Variants in NLGN1 observed in about 807,000 individuals in gnomAD.
NLGN1 encodes neuroligin-1.
A neutral mutation model predicts 65.5 loss-of-function variants in NLGN1; 12 were observed. The observed-to-expected ratio is 0.18, with a 90% CI of 0.12 to 0.30. The LOEUF is 0.30. Ranked by LOEUF, NLGN1 falls within the 10% of genes least tolerant of loss-of-function variation. NLGN1 has a pLI of 1.00. For missense variants in NLGN1, 750 were observed against 1,007.1 expected (o/e 0.74, Z 3.46); for synonymous variants, 350 against 359.5 (o/e 0.97, Z 0.30).
chr3:173,819,855 C>A (rs1294433016), intron 4 of NLGN1, among the ~76,000 whole-genome samples: 1 of 152,180 alleles, frequency 6.6e-6, no homozygotes, highest in African/African-American at 2.4e-5. Context: ...GTGTGCCCTT[C>A]TCAGGATATG....
chr3:173,638,126 T>G (rs1444624861), intron 3 of NLGN1, among the ~76,000 whole-genome samples: 2 of 152,104 alleles, frequency 1.3e-5, no homozygotes, highest in Admixed American at 1.3e-4. Flanking sequence ...CCAGTTCACT[T>G]TTTTTTCAGT....
At chr3:173,573,074 C>T (rs1191466734) in intron 2 of NLGN1, among the ~76,000 whole-genome samples, 3 of 147,730 alleles carry the variant, frequency 2.0e-5, no homozygotes, top group African/African-American at 4.9e-5. Context: ...GTATTACTTC[C>T]GAACCCTGAA....
At chr3:173,428,777 C>A (rs1716631736) in intron 1 of NLGN1, among the ~76,000 whole-genome samples, 1 of 150,874 alleles carries the variant, frequency 6.6e-6, no homozygotes, top group South Asian at 2.1e-4. Context: ...CATTAACATT[C>A]TTTTTTTTTC....
intron 3 of NLGN1, among the ~76,000 whole-genome samples, chr3:173,675,060 G>C (rs965928702): frequency 4.6e-5 from 7 of 151,832 alleles, no homozygotes; most frequent in African/African-American, 1.7e-4. Context: ...ATTGACAGCT[G>C]TATGCTTTTA....
intron 4 of NLGN1, among the ~76,000 whole-genome samples, chr3:173,972,833 A>G (rs1005650186): frequency 1.3e-5 from 2 of 152,094 alleles, no homozygotes; most frequent in African/African-American, 4.8e-5. Flanking sequence ...CAAAATTGTT[A>G]TACATCCAAC....
chr3:173,505,428 C>A (rs1234935790), intron 2 of NLGN1, among the ~76,000 whole-genome samples: 1 of 152,064 alleles, frequency 6.6e-6, no homozygotes, highest in South Asian at 2.1e-4. Flanking sequence ...GCATTGGCTT[C>A]CTATAATTCT....
At chr3:174,235,814 C>T (rs997253065) in intron 4 of NLGN1, among the ~76,000 whole-genome samples, 2 of 152,084 alleles carry the variant, frequency 1.3e-5, no homozygotes, top group African/African-American at 4.8e-5. Flanking sequence ...AGACCAAATT[C>T]CCAGTAAGTT....
At chr3:174,271,029 T>TGACTC (rs750487768) in intron 4 of NLGN1, among the ~76,000 whole-genome samples, 5 of 151,748 alleles carry the variant, frequency 3.3e-5, no homozygotes, top group Non-Finnish European at 5.9e-5. Context: ...CTTAGCAATG[T>TGACTC]GACTCAAAGA....
intron 2 of NLGN1, among the ~76,000 whole-genome samples, chr3:173,599,846 C>T (rs1750137341): frequency 6.6e-6 from 1 of 152,084 alleles, no homozygotes; most frequent in Non-Finnish European, 1.5e-5. Flanking sequence ...CAGACATGAG[C>T]AAAGCAGCAA....
chr3:173,404,105 A>C (rs1718189028), intron 1 of NLGN1, among the ~76,000 whole-genome samples: 1 of 152,178 alleles, frequency 6.6e-6, no homozygotes, highest in Non-Finnish European at 1.5e-5. Context: ...AATTATAAAT[A>C]AATTGAATTC....
At chr3:173,734,930 T>G (rs561472043) in intron 3 of NLGN1, among the ~76,000 whole-genome samples, 12 of 152,248 alleles carry the variant, frequency 7.9e-5, no homozygotes, top group Admixed American at 6.5e-4. Context: ...TCTTAGATTA[T>G]GTACAGGTCT....
At chr3:173,737,260 T>G (rs937372450) in intron 3 of NLGN1, among the ~76,000 whole-genome samples, 1 of 152,032 alleles carries the variant, frequency 6.6e-6, no homozygotes, top group African/African-American at 2.4e-5. Flanking sequence ...TTATTGAGAT[T>G]TAATTTGCTT....
At chr3:173,402,990 A>G (rs1717980106) in intron 1 of NLGN1, among the ~76,000 whole-genome samples, 1 of 152,134 alleles carries the variant, frequency 6.6e-6, no homozygotes, top group Admixed American at 6.6e-5. Flanking sequence ...TAGGGCTCCT[A>G]ACAGGGAGTT....
At chr3:174,051,439 C>G (rs1172116391) in intron 4 of NLGN1, among the ~76,000 whole-genome samples, 1 of 152,044 alleles carries the variant, frequency 6.6e-6, no homozygotes, top group Admixed American at 6.6e-5. Flanking sequence ...AAGGAGAGCT[C>G]CCATTTGCTT....
intron 4 of NLGN1, among the ~76,000 whole-genome samples, chr3:174,147,974 C>G (rs932482694): frequency 7.2e-5 from 11 of 152,150 alleles, no homozygotes; most frequent in Non-Finnish European, 1.3e-4. Flanking sequence ...AGTTGCAGAA[C>G]AAATTTGCAT....
At chr3:174,159,472 A>G (rs748548598) in intron 4 of NLGN1, among the ~76,000 whole-genome samples, 9 of 151,794 alleles carry the variant, frequency 5.9e-5, no homozygotes, top group Non-Finnish European at 1.0e-4. Context: ...ATAAAATACA[A>G]TTTGCTCTGA....
At chr3:173,647,292 G>A (rs1484550928) in intron 3 of NLGN1, among the ~76,000 whole-genome samples, 1 of 152,038 alleles carries the variant, frequency 6.6e-6, no homozygotes. Flanking sequence ...TCAGTAGACA[G>A]AAGATCAATA....
chr3:173,712,189 T>C (rs189827433), intron 3 of NLGN1, among the ~76,000 whole-genome samples: 99 of 152,212 alleles, frequency 6.5e-4, no homozygotes, highest in African/African-American at 2.3e-3. Flanking sequence ...GTTTTTTTGT[T>C]TTGCTTTTAG....
intron 4 of NLGN1, among the ~76,000 whole-genome samples, chr3:174,020,991 A>C (rs1048901503): frequency 6.6e-6 from 1 of 151,986 alleles, no homozygotes; most frequent in Non-Finnish European, 1.5e-5. Context: ...TAAGGAGCTT[A>C]ATTCCTTTCT....
Sources: allele counts gnomAD v4.1 joint callset (sites outside exome capture counted in the v4.1 genomes callset), GRCh38; gene constraint gnomAD v4.1.1; transcripts MANE v1.5; gene names NCBI Gene and HGNC (gene_info 2026-07-23, HGNC 2026-07-21).